Variants in ZNF331 observed in about 807,000 individuals in gnomAD.
ZNF331 encodes C2H2-like zinc finger protein rearranged in thyroid adenomas.
Under a neutral mutation model 7.0 loss-of-function variants are expected in ZNF331, and 2 were observed. The observed-to-expected ratio is 0.29, with a 90% CI of 0.12 to 0.90. The LOEUF is 0.90. Ranked by LOEUF, ZNF331 falls within the 40% of genes least tolerant of loss-of-function variation. The probability of loss-of-function intolerance (pLI) is 0.58; values close to 1 mark genes in which losing one functional copy is unlikely to be tolerated. For missense variants in ZNF331, 432 were observed against 587.7 expected, an observed-to-expected ratio of 0.74 and a Z score of 2.74; for synonymous variants, 196 against 205.4, an observed-to-expected ratio of 0.95 and a Z score of 0.39.
chr19:53,505,523 T>A, the ZNF331 span, among the ~76,000 whole-genome samples: 25,163 of 152,070 alleles, frequency 0.17, 2,435 homozygotes, highest in East Asian at 0.27. Context: ...TCCTGTTGCA[T>A]GCAAGGATTT....
chr19:53,516,449 A>C (rs374047169), upstream of ZNF331, among the ~76,000 whole-genome samples: 1 of 34,778 alleles, frequency 2.9e-5, no homozygotes, highest in Non-Finnish European at 5.6e-5. Flanking sequence ...ACTCCATCTC[A>C]AAAAAAAAAA....
chr19:53,506,523 TCA>T, the ZNF331 span, among the ~76,000 whole-genome samples: 1 of 149,216 alleles, frequency 6.7e-6, no homozygotes, highest in Non-Finnish European at 1.5e-5. Context: ...TCTCTCTCTC[TCA>T]CACACACTCC....
At chr19:53,549,575 C>T (rs774909271) in intron 2 of ZNF331, among the ~76,000 whole-genome samples, 9 of 151,896 alleles carry the variant, frequency 5.9e-5, no homozygotes, top group Non-Finnish European at 1.2e-4. Context: ...CTTCAGACTG[C>T]TTGGCATCAG....
At chr19:53,514,896 C>T (rs34165566), upstream of ZNF331, among the ~76,000 whole-genome samples, 36,773 of 151,892 alleles carry the variant, frequency 0.24, 4,518 homozygotes, top group Middle Eastern at 0.3. Flanking sequence ...CTGATTCACC[C>T]GCTTCGGCCT....
chr19:53,566,162 C>A (rs1437073751), intron 3 of ZNF331, among the ~76,000 whole-genome samples: 1 of 151,002 alleles, frequency 6.6e-6, no homozygotes, highest in Admixed American at 6.6e-5. Flanking sequence ...ACCAGGCTCC[C>A]TCTTCCTCAG....
intron 2 of ZNF331, among the ~76,000 whole-genome samples, chr19:53,550,152 A>G (rs532279509): frequency 5.9e-5 from 9 of 152,218 alleles, no homozygotes; most frequent in Non-Finnish European, 1.2e-4. Flanking sequence ...ATGTCCTAAC[A>G]TGATCTATCC....
At chr19:53,562,948 AC>A (rs2089969449) in intron 3 of ZNF331, among the ~76,000 whole-genome samples, 1 of 151,564 alleles carries the variant, frequency 6.6e-6, no homozygotes, top group Non-Finnish European at 1.5e-5. Flanking sequence ...AGATTGCGCC[AC>A]TGCACTCCAG....
At chr19:53,520,525 C>G (rs17207135), upstream of ZNF331, among the ~76,000 whole-genome samples, 1 of 152,034 alleles carries the variant, frequency 6.6e-6, no homozygotes, top group Non-Finnish European at 1.5e-5. Context: ...GCCGACAGGG[C>G]TTCCAGCATT....
chr19:53,524,676 A>G (rs1447235286), intron 2 of ZNF331, among the ~76,000 whole-genome samples: 1 of 152,000 alleles, frequency 6.6e-6, no homozygotes, highest in Non-Finnish European at 1.5e-5. Flanking sequence ...CCTTTGTGAG[A>G]TAGGTAGATT....
At chr19:53,514,808 G>A (rs1330848540), upstream of ZNF331, among the ~76,000 whole-genome samples, 5 of 151,730 alleles carry the variant, frequency 3.3e-5, no homozygotes, top group Non-Finnish European at 4.4e-5. Context: ...CCGCCACCAC[G>A]CCCGGCTAAT....
At chr19:53,550,155 A>G (rs955650080) in intron 2 of ZNF331, among the ~76,000 whole-genome samples, 3 of 152,178 alleles carry the variant, frequency 2.0e-5, no homozygotes, top group South Asian at 2.1e-4. Flanking sequence ...TCCTAACATG[A>G]TCTATCCTGG....
intron 2 of ZNF331, among the ~76,000 whole-genome samples, chr19:53,528,967 A>G (rs1032133140): frequency 2.0e-5 from 3 of 151,864 alleles, no homozygotes; most frequent in South Asian, 4.2e-4. Flanking sequence ...TTGTATTTTT[A>G]GTAGAGACGA....
the ZNF331 span, among the ~76,000 whole-genome samples, chr19:53,510,785 T>C: frequency 6.6e-6 from 1 of 152,086 alleles, no homozygotes; most frequent in African/African-American, 2.4e-5. Flanking sequence ...ATTGATTTTT[T>C]TTACCCAAGT....
chr19:53,519,031 A>G (rs1051600017), upstream of ZNF331, among the ~76,000 whole-genome samples: 1 of 152,214 alleles, frequency 6.6e-6, no homozygotes, highest in Non-Finnish European at 1.5e-5. Context: ...CCTGTTGGCA[A>G]AGTGCCCTGT....
At chr19:53,575,494 A>G (rs1211577544) in intron 5 of ZNF331, among the ~76,000 whole-genome samples, 1 of 121,530 alleles carries the variant, frequency 8.2e-6, no homozygotes, top group East Asian at 2.4e-4. Context: ...TCTTTTACCC[A>G]GTTGCTTTTT....
chr19:53,506,094 G>A, the ZNF331 span, among the ~76,000 whole-genome samples: 1 of 151,668 alleles, frequency 6.6e-6, no homozygotes, highest in Admixed American at 6.6e-5. Context: ...CCAGCACTTT[G>A]GGAGGCCGAG....
chr19:53,552,200 T>C (rs906526829), intron 2 of ZNF331, among the ~76,000 whole-genome samples: 5 of 152,190 alleles, frequency 3.3e-5, no homozygotes, highest in Non-Finnish European at 7.4e-5. Context: ...TTTGGCATCT[T>C]CTAAGATCAT....
At chr19:53,556,311 C>T (rs151104968) in intron 3 of ZNF331, among the ~76,000 whole-genome samples, 30 of 150,172 alleles carry the variant, frequency 2.0e-4, no homozygotes, top group Non-Finnish European at 3.8e-4. Flanking sequence ...TCCAAGATGA[C>T]GACTGATTAT....
chr19:53,532,690 A>G lies in ZNF331; in HGVS notation c.-204-6526A>G, dbSNP rs1003307098. Among the ~76,000 whole-genome samples, 4 of 152,106 alleles carry G rather than the reference A, an allele frequency of 2.6e-5. 1 individual carries two copies. Among genetic ancestry groups the G allele is most frequent in the East Asian group, 3.9e-4 (2 of 5,192 alleles). ...TCAGAAATTCTGTATTATTTGTTCA[A>G]TCTTTTTACTCATTACTGATGTGTT... On this transcript the variant is annotated intron_variant, in intron 2 of 6. Coordinates refer to the ZNF331 transcript ENST00000253144.
Sources: allele counts gnomAD v4.1 joint callset (sites outside exome capture counted in the v4.1 genomes callset), GRCh38; gene constraint gnomAD v4.1.1; transcripts MANE v1.5; gene names NCBI Gene and HGNC (gene_info 2026-07-23, HGNC 2026-07-21).